DCAF10: variants seen among roughly 807,000 people sequenced by gnomAD.
DCAF10 encodes the protein DDB1 and CUL4 associated factor 10.
DCAF10 carries 19 observed loss-of-function variants against 51.9 expected under a neutral mutation model. The ratio of observed to expected loss-of-function variants is 0.37; its 90% CI spans 0.26 to 0.54. The LOEUF (loss-of-function observed/expected upper bound fraction) is 0.54. Among genes scored for constraint, DCAF10 ranks in the 20% least tolerant of loss-of-function variants. The pLI is 0.87. For missense variants in DCAF10, 510 were observed against 730.6 expected (o/e 0.70, Z 3.48); for synonymous variants, 291 against 297.1 (o/e 0.98, Z 0.21).
At chr9:37,808,744 A>T (rs1487817172) in intron 1 of DCAF10, among the ~76,000 whole-genome samples, 1 of 14 alleles carries the variant, frequency 0.071, no homozygotes, top group Non-Finnish European at 0.12. Flanking sequence ...ATATATAAAA[A>T]TACATACATA....
At chr9:37,800,664 T>A (rs1224045359), upstream of DCAF10, 3 of 1,535,994 alleles carry the variant, frequency 2.0e-6, no homozygotes, top group Non-Finnish European at 2.6e-6. Context: ...ACTCGCTCCC[T>A]ACCTCCGTTC....
Position 37,842,176 on chromosome 9 carries a change from C to T in DCAF10, c.741C>T (p.Cys247=), listed in dbSNP as rs753717684. ...TGAGAAAATTGAACACCAAAGTATG[C>T]ACTTTACATGGTCACACTAGCTGGG... ...WDLRKLNTKV[C]TLHGHTSWVK... Residue 247 remains cysteine, a synonymous_variant, in exon 3 of 7, where the codon TGC becomes TGT. Coordinates refer to ENST00000377724, the MANE Select transcript of DCAF10 (RefSeq NM_024345.5). The T allele has an allele frequency of 1.2e-5, 20 of 1,613,880 alleles. No homozygotes were observed. The South Asian group carries it at 2.0e-4, about 16-fold the overall frequency.
chr9:37,804,613 C>A (rs952930443), intron 1 of DCAF10, among the ~76,000 whole-genome samples: 15 of 151,960 alleles, frequency 9.9e-5, no homozygotes, highest in Admixed American at 7.2e-4. Flanking sequence ...CCTGTCTCTA[C>A]TAAAAATACA....
intron 3 of DCAF10, among the ~76,000 whole-genome samples, chr9:37,854,308 A>C (rs965924946): frequency 2.6e-5 from 4 of 152,104 alleles, no homozygotes; most frequent in Non-Finnish European, 5.9e-5. Context: ...TGGGGTCACC[A>C]TCTTGCCCAG....
At chr9:37,843,445 A>G (rs1440019133) in intron 3 of DCAF10, among the ~76,000 whole-genome samples, 2 of 152,258 alleles carry the variant, frequency 1.3e-5, no homozygotes, top group Non-Finnish European at 1.5e-5. Context: ...AAAGACAAGC[A>G]TACCTACTAA....
chr9:37,811,780 T>G (rs1411084890), intron 1 of DCAF10, among the ~76,000 whole-genome samples: 1 of 152,066 alleles, frequency 6.6e-6, no homozygotes, highest in Non-Finnish European at 1.5e-5. Context: ...CAGAAAGATA[T>G]TAAAGAGAAT....
rs1346606891 is a variant in DCAF10 at position 37,857,242 on chromosome 9, T to G, written c.1056T>G (p.Asp352Glu). The change falls in exon 5 of 7, where the codon GAT becomes GAG. Residue 352 changes from aspartate (D) to glutamate (E), a missense_variant and splice_region_variant. This residue lies in a region of DCAF10 where 126 missense variants were observed against 271.5 expected (regional missense o/e 0.46). Transcript: ENST00000377724. ...GTCAGAATTTTTTATATTTTTAAGA[T>G]TTGACCACTTCATCAAGTTCATCTG... Reference protein sequence around the residue: ...LRARRTTSSSDLTTSSSSSGP... With the variant: ...LRARRTTSSSELTTSSSSSGP... 1 of 1,589,216 alleles carries G rather than the reference T, an allele frequency of 6.3e-7. No individual in the cohort carries two copies. The highest frequency in any genetic ancestry group is 8.5e-7 in the Non-Finnish European group (1 of 1,171,740).
rs1296880616 is a variant in DCAF10, at chr9:37,801,631, G to T, written c.539+226G>T. ...CGGGGCCCCACTTGCTCGCCTTCAG[G>T]ACTTGGGCTCTGTGAAGGAGAAATG... On this transcript the variant is annotated intron_variant, in intron 1 of 6. Transcript: ENST00000377724. This position sits in a 1 kb window ranked among gnomAD's most constrained non-coding sequence, Gnocchi z 5.5. Among the ~76,000 whole-genome samples the T allele has an allele frequency of 2.6e-5, 4 of 152,232 alleles. No individual in the cohort carries two copies. Among genetic ancestry groups the T allele is most frequent in the African/African-American group, 9.6e-5 (4 of 41,472 alleles).
rs779412631 is a variant in DCAF10 at position 37,850,823 on chromosome 9, A to ATT, written c.852-3954_852-3953dup. Among the ~76,000 whole-genome samples the ATT allele has an allele frequency of 9.9e-3, 600 of 60,540 alleles. 20 individuals are homozygous for ATT. Among genetic ancestry groups the ATT allele is most frequent in the Non-Finnish European group, 0.016 (469 of 29,260 alleles). The allele number at this position is 60,540 out of a possible 152,430, so 39.7% of individuals were successfully genotyped here. A position where few individuals can be genotyped will look rare whatever the true frequency, so the allele number is the denominator to read the frequency against. ...ATAAATGCTAAGTATGTGAGGATATATTTTATATATATATATATATATATA... is the reference window on the plus strand; with the variant it reads ...ATAAATGCTAAGTATGTGAGGATATATTTTTTATATATATATATATATATATA... On this transcript the variant is annotated intron_variant, in intron 3 of 6. Coordinates refer to ENST00000377724, the MANE Select transcript of DCAF10 (RefSeq NM_024345.5).
At chr9:37,836,317 C>A in intron 2 of DCAF10, 2 of 1,608,152 alleles carry the variant, frequency 1.2e-6, no homozygotes, top group Non-Finnish European at 1.7e-6. Context: ...GTAACAAAGA[C>A]ACAATTAGAA....
At chr9:37,844,897 T>G (rs1335571655) in intron 3 of DCAF10, among the ~76,000 whole-genome samples, 2 of 148,660 alleles carry the variant, frequency 1.3e-5, no homozygotes, top group African/African-American at 4.9e-5. Flanking sequence ...CTTGATGTAT[T>G]ACACATATTT....
intron 3 of DCAF10, among the ~76,000 whole-genome samples, chr9:37,850,235 TTAAAAA>T (rs1830593837): frequency 6.6e-6 from 1 of 152,160 alleles, no homozygotes; most frequent in African/African-American, 2.4e-5. Context: ...CCTCAAAAAC[TTAAAAA>T]TAGAACTACC....
chr9:37,858,593 T>A (rs1830920828), intron 5 of DCAF10: 1 of 152,012 alleles, frequency 6.6e-6, no homozygotes, highest in Non-Finnish European at 1.5e-5. Context: ...AGATGATATA[T>A]GAGGAGGCTG....
chr9:37,801,280 G>A lies in DCAF10; in HGVS notation c.414G>A (p.Val138=), dbSNP rs1336207912. Residue 138 remains valine, a synonymous_variant, in exon 1 of 7, where the codon GTG becomes GTA. Coordinates refer to ENST00000377724, the MANE Select transcript of DCAF10 (RefSeq NM_024345.5). The surrounding 1 kb of genome is among the most constrained non-coding windows in gnomAD (Gnocchi z 5.5). The stretch of plus-strand genomic sequence containing the variant: ...GCAGCCTGGGCCGCGGGCTGTTCGT[G>A]GACCCGGCGCGGGACAATTTTCGCA... ...KERSLGRGLF[V]DPARDNFRTM... is the part of the protein sequence containing the mutation. 1 of 1,595,934 alleles carries A rather than the reference G, an allele frequency of 6.3e-7. No homozygotes were observed. The highest frequency in any genetic ancestry group is 1.7e-4 in the Middle Eastern group (1 of 6,024).
intron 1 of DCAF10, among the ~76,000 whole-genome samples, chr9:37,811,439 A>T (rs1447036250): frequency 6.6e-6 from 1 of 152,198 alleles, no homozygotes; most frequent in Admixed American, 6.5e-5. Flanking sequence ...GTTGTCTGAA[A>T]AACCAAGAAA....
At chr9:37,857,168 A>T in intron 4 of DCAF10, 73 bp from the exon 5 acceptor site, 1 of 1,173,962 alleles carries the variant, frequency 8.5e-7, no homozygotes, top group Non-Finnish European at 1.2e-6. Flanking sequence ...TGGTTCGAGT[A>T]GATAATTAAA....
In DCAF10 at chr9:37,861,983, A is replaced by G. The variant is rs1260312758; in HGVS notation, c.*475A>G. Reference sequence around the variant, plus strand: ...GATATTGGCATATTGGTTGTTGAAAAATAAATTTCATCCTCACTTATGAGT... The same window carrying G: ...GATATTGGCATATTGGTTGTTGAAAGATAAATTTCATCCTCACTTATGAGT... On this transcript the variant is annotated 3_prime_UTR_variant, in exon 7 of 7. Transcript: ENST00000377724. This position sits in a 1 kb window ranked among gnomAD's most constrained non-coding sequence, Gnocchi z 4.9. 1 of 157,952 alleles carries G rather than the reference A, an allele frequency of 6.3e-6. No individual in the cohort carries two copies. The highest frequency in any genetic ancestry group is 2.4e-5 in the African/African-American group (1 of 41,498). 9.8% of individuals were successfully genotyped at this position (157,952 alleles called of 1,614,324 possible). A position where few individuals can be genotyped will look rare whatever the true frequency, so the allele number is the denominator to read the frequency against.
intron 6 of DCAF10, chr9:37,860,436 C>T (rs1830981295): frequency 2.6e-6 from 1 of 386,300 alleles, no homozygotes; most frequent in Non-Finnish European, 4.6e-6. Flanking sequence ...CTTTAAAGGC[C>T]AGCATCAGCT....
rs372739576 is a variant in DCAF10 at position 37,838,876 on chromosome 9, A to G, written c.654-3213A>G. 3.9e-5 allele frequency among the ~76,000 whole-genome samples: 6 copies of G among 152,232 alleles called. No homozygotes were observed. The East Asian group carries it at 9.6e-4, about 24-fold the overall frequency. On this transcript the variant is annotated intron_variant, in intron 2 of 6. Transcript: ENST00000377724. Reference sequence around the variant, plus strand: ...AAGCGTGACTCTGTCTCCAAAAAAAAAAAAATTAAAAAGAAAAAAGGTTTC... The same window carrying G: ...AAGCGTGACTCTGTCTCCAAAAAAAGAAAAATTAAAAAGAAAAAAGGTTTC...
Sources: allele counts gnomAD v4.1 joint callset (sites outside exome capture counted in the v4.1 genomes callset), GRCh38; gene constraint gnomAD v4.1.1; regional missense constraint gnomAD v4.1.1; non-coding constraint Gnocchi (gnomAD v3.1); transcripts MANE v1.5; gene names NCBI Gene and HGNC (gene_info 2026-07-23, HGNC 2026-07-21).